The following RHOA variants were observed in gnomAD, a reference collection of about 807,000 sequenced individuals.
The protein encoded by RHOA is transforming protein RhoA.
In RHOA, 3 loss-of-function variants were observed where a neutral mutation model predicts 17.5. The ratio of observed to expected loss-of-function variants is 0.17; its 90% CI spans 0.08 to 0.44. The LOEUF is 0.44. Ranked by LOEUF, RHOA falls within the 20% of genes least tolerant of loss-of-function variation. RHOA has a pLI of 0.99. For synonymous variants in RHOA, 98 were observed against 88.4 expected (o/e 1.11, Z -0.61); for missense variants, 56 against 242.3 (o/e 0.23, Z 5.10).
chr3:49,388,882 T>C (rs936948672), intron 1 of RHOA, among the ~76,000 whole-genome samples: 1 of 152,074 alleles, frequency 6.6e-6, no homozygotes, highest in East Asian at 1.9e-4. Context: ...TACAGTGGAG[T>C]ACTACTCAGC....
rs2047938788 is a variant in RHOA, at chr3:49,360,186, A to C, written c.*23T>G. ...ACAGCACTTCAAAATTAACCGCATA[A>C]GGGCTGTGCTTGCAGCAAGGTTTCA... On this transcript the variant is annotated 3_prime_UTR_variant, in exon 5 of 5. Coordinates refer to ENST00000418115, the MANE Select transcript of RHOA (RefSeq NM_001664.4). 6.2e-7 allele frequency: 1 copy of C among 1,608,348 alleles called. No homozygotes were observed. Among genetic ancestry groups the C allele is most frequent in the Non-Finnish European group, 8.5e-7 (1 of 1,177,850 alleles).
rs71080506 is a variant in RHOA, at chr3:49,398,839, C to CAAAA, written c.-3+12977_-3+12980dup. Among the ~76,000 whole-genome samples, 92 of 35,662 alleles carry CAAAA rather than the reference C, an allele frequency of 2.6e-3. 7 individuals are homozygous for CAAAA. Among genetic ancestry groups the CAAAA allele is most frequent in the East Asian group, 6.6e-3 (3 of 452 alleles). 23.4% of individuals were successfully genotyped at this position (35,662 alleles called of 152,430 possible). A position where few individuals can be genotyped will look rare whatever the true frequency, so the allele number is the denominator to read the frequency against. On this transcript the variant is annotated intron_variant, in intron 1 of 4. Coordinates refer to ENST00000418115, the MANE Select transcript of RHOA (RefSeq NM_001664.4). ...TGAGCGACACAGCGAGACTCCGTCT[C>CAAAA]AAAAAAAAAAAAAAAAAAAAAAAAA...
At chr3:49,404,457 C>CACACACACACACACACACAA (rs1447646944) in intron 1 of RHOA, among the ~76,000 whole-genome samples, 12 of 146,874 alleles carry the variant, frequency 8.2e-5, no homozygotes, top group African/African-American at 3.0e-4. Context: ...CACACACACA[C>CACACACACACACACACACAA]AAAATTAGCC....
rs144576182 is a variant in RHOA, at chr3:49,397,347, T to C, written c.-3+14473A>G. Among the ~76,000 whole-genome samples the C allele has an allele frequency of 1.7e-3, 264 of 152,106 alleles. 1 individual carries two copies. Among genetic ancestry groups the C allele is most frequent in the Non-Finnish European group, 2.8e-3 (192 of 67,998 alleles). On this transcript the variant is annotated intron_variant, in intron 1 of 4. Coordinates refer to ENST00000418115, the MANE Select transcript of RHOA (RefSeq NM_001664.4). ...GATTGAAGATGACAGTTGAAGAACA[T>C]AGGGTTTCTTTTTGAGGTGATAATA... is the stretch of plus-strand genomic sequence containing the variant.
chr3:49,400,083 G>A lies in RHOA; in HGVS notation c.-3+11737C>T, dbSNP rs952318422. 5.9e-5 allele frequency among the ~76,000 whole-genome samples: 9 copies of A among 151,756 alleles called. No homozygotes were observed. In the South Asian group the frequency reaches 6.3e-4, roughly 11 times the overall value. ...AAAAATTAGCTGGGCATGGTGGCAC[G>A]TGCTTGTAATCCCAGCTACTCGGGA... On this transcript the variant is annotated intron_variant, in intron 1 of 4. Coordinates refer to ENST00000418115, the MANE Select transcript of RHOA (RefSeq NM_001664.4).
intron 3 of RHOA, among the ~76,000 whole-genome samples, chr3:49,367,600 C>G (rs1480711037): frequency 2.0e-5 from 3 of 151,882 alleles, no homozygotes; most frequent in Non-Finnish European, 2.9e-5. Flanking sequence ...TGGCTCACTG[C>G]AACTTCTGCT....
At chr3:49,376,902 G>A (rs2048236746) in intron 1 of RHOA, among the ~76,000 whole-genome samples, 1 of 151,962 alleles carries the variant, frequency 6.6e-6, no homozygotes, top group African/African-American at 2.4e-5. Flanking sequence ...GCCGAGGCAG[G>A]CAGATCACCT....
At chr3:49,391,228 A>C (rs2048498351) in intron 1 of RHOA, among the ~76,000 whole-genome samples, 1 of 138,614 alleles carries the variant, frequency 7.2e-6, no homozygotes, top group East Asian at 2.9e-4. Context: ...AAAAAAAAAA[A>C]AAGAAATACA....
chr3:49,400,776 T>G (rs2048709322), intron 1 of RHOA, among the ~76,000 whole-genome samples: 1 of 151,636 alleles, frequency 6.6e-6, no homozygotes. Flanking sequence ...CCGGGCACGG[T>G]GGCTCACGCC....
intron 1 of RHOA, among the ~76,000 whole-genome samples, chr3:49,392,706 T>C (rs563308204): frequency 6.6e-5 from 10 of 152,264 alleles, no homozygotes; most frequent in Admixed American, 5.9e-4. Flanking sequence ...CAATGCTCAA[T>C]AGCCACATGT....
At chr3:49,363,227 G>A (rs2047999698) in intron 3 of RHOA, among the ~76,000 whole-genome samples, 1 of 151,716 alleles carries the variant, frequency 6.6e-6, no homozygotes, top group African/African-American at 2.4e-5. Flanking sequence ...GACCATCCTG[G>A]CTAACACAGT....
chr3:49,397,562 C>G (rs2048638405), intron 1 of RHOA, among the ~76,000 whole-genome samples: 1 of 152,074 alleles, frequency 6.6e-6, no homozygotes, highest in Admixed American at 6.6e-5. Context: ...GCCTGCTTAT[C>G]TGCCTCAATA....
At chr3:49,374,274 A>G (rs2048189710) in intron 2 of RHOA, among the ~76,000 whole-genome samples, 1 of 152,206 alleles carries the variant, frequency 6.6e-6, no homozygotes, top group African/African-American at 2.4e-5. Flanking sequence ...GCGTGAACCC[A>G]GGAGGCAGAG....
intron 2 of RHOA, among the ~76,000 whole-genome samples, chr3:49,370,509 G>C (rs1005175959): frequency 3.3e-5 from 5 of 152,196 alleles, no homozygotes; most frequent in African/African-American, 1.2e-4. Context: ...ATTTTGAGTT[G>C]GTAGGTAGGA....
intron 1 of RHOA, among the ~76,000 whole-genome samples, chr3:49,390,665 A>T (rs568480969): frequency 6.6e-6 from 1 of 152,226 alleles, no homozygotes; most frequent in Non-Finnish European, 1.5e-5. Context: ...TGGACTGGAA[A>T]AACACGTGGC....
At chr3:49,371,112 C>G (rs2048140234) in intron 2 of RHOA, among the ~76,000 whole-genome samples, 2 of 152,250 alleles carry the variant, frequency 1.3e-5, no homozygotes, top group East Asian at 3.9e-4. Flanking sequence ...CCCTCCACCC[C>G]ACGGTGTTTA....
chr3:49,390,802 G>A (rs1382927665), intron 1 of RHOA, among the ~76,000 whole-genome samples: 3 of 152,132 alleles, frequency 2.0e-5, no homozygotes, highest in African/African-American at 7.2e-5. Context: ...AGAGTACGGG[G>A]CCAGGTGTGG....
chr3:49,383,039 A>G (rs1413120521), intron 1 of RHOA, among the ~76,000 whole-genome samples: 6 of 149,144 alleles, frequency 4.0e-5, no homozygotes, highest in Non-Finnish European at 8.9e-5. Context: ...GGGCGACAAG[A>G]GCAAAACTCC....
At chr3:49,404,975 C>T (rs1322947610) in intron 1 of RHOA, among the ~76,000 whole-genome samples, 5 of 149,100 alleles carry the variant, frequency 3.4e-5, no homozygotes, top group South Asian at 2.1e-4. Context: ...AGGCCAGGCG[C>T]GGTGGCTCAC....
Sources: gnomAD v4.1 joint callset for allele counts (sites outside exome capture counted in the v4.1 genomes callset) on GRCh38, gnomAD v4.1.1 for gene constraint, MANE v1.5 for transcripts, NCBI Gene and HGNC (gene_info 2026-07-23, HGNC 2026-07-21) for gene names.